AMOTL1: variants seen among roughly 807,000 people sequenced by gnomAD.
AMOTL1 encodes angiomotin like 1, also known as angiomotin-like protein 1.
In AMOTL1, 45 loss-of-function variants were observed where a neutral mutation model predicts 102.9. The observed-to-expected ratio is 0.44, with a 90% confidence interval of 0.34 to 0.56. The LOEUF (loss-of-function observed/expected upper bound fraction) is 0.56. Ranked by LOEUF, AMOTL1 falls within the 20% of genes least tolerant of loss-of-function variation. The pLI, the probability that AMOTL1 is intolerant of heterozygous loss-of-function variation, is 0.01. For synonymous variants in AMOTL1, 481 were observed against 484.7 expected (o/e 0.99, Z 0.10); for missense variants, 1,114 against 1,225.6 (o/e 0.91, Z 1.36).
rs536197963 is a variant in AMOTL1 at position 94,867,638 on chromosome 11, G to C, written c.2488+1470G>C. 1.5e-3 allele frequency among the ~76,000 whole-genome samples: 234 copies of C among 152,328 alleles called. 2 individuals carry two copies. Among genetic ancestry groups the C allele is most frequent in the African/African-American group, 5.5e-3 (227 of 41,564 alleles). On this transcript the variant is annotated intron_variant, in intron 11 of 12. Transcript: ENST00000433060. Reference sequence around the variant, plus strand: ...CTCCAAGGGGCTGAGGCAGGTTCATGGGTGACTGCACAGTTCCCCACATGT... The same window carrying C: ...CTCCAAGGGGCTGAGGCAGGTTCATCGGTGACTGCACAGTTCCCCACATGT...
intron 1 of AMOTL1, among the ~76,000 whole-genome samples, chr11:94,781,843 A>G (rs549429110): frequency 6.9e-6 from 1 of 144,332 alleles, no homozygotes; most frequent in African/African-American, 2.6e-5. Context: ...CAAAAAGAAG[A>G]AAAAAAAAAA....
intron 3 of AMOTL1, among the ~76,000 whole-genome samples, chr11:94,812,123 A>G (rs1254917049): frequency 6.6e-6 from 1 of 152,242 alleles, no homozygotes; most frequent in Non-Finnish European, 1.5e-5. Context: ...TCCGAGCCTT[A>G]AAGGTATCTT....
upstream of AMOTL1, among the ~76,000 whole-genome samples, chr11:94,766,808 A>G (rs1049218422): frequency 1.3e-5 from 2 of 152,224 alleles, no homozygotes; most frequent in African/African-American, 4.8e-5. Context: ...GAGCTTCTTC[A>G]TCCGGCAAGT....
At chr11:94,712,252 A>G (rs1350654286) in intron 1 of AMOTL1, among the ~76,000 whole-genome samples, 4 of 151,980 alleles carry the variant, frequency 2.6e-5, no homozygotes, top group Non-Finnish European at 5.9e-5. Flanking sequence ...TAAAATGTCT[A>G]TTTATGCCTT....
intron 6 of AMOTL1, among the ~76,000 whole-genome samples, chr11:94,845,917 G>T (rs1473401719): frequency 6.6e-6 from 1 of 152,140 alleles, no homozygotes. Flanking sequence ...GGAATTCTCA[G>T]TATATATATT....
chr11:94,711,027 G>A (rs554272207), intron 1 of AMOTL1, among the ~76,000 whole-genome samples: 129 of 152,238 alleles, frequency 8.5e-4, no homozygotes, highest in Non-Finnish European at 1.6e-3. Flanking sequence ...AACATTTTAG[G>A]TTTACCAGTA....
chr11:94,837,592 A>G (rs1014567878), intron 6 of AMOTL1, among the ~76,000 whole-genome samples: 72 of 152,338 alleles, frequency 4.7e-4, no homozygotes, highest in African/African-American at 1.7e-3. Flanking sequence ...CATGACAACC[A>G]GAAGTGCGCA....
intron 6 of AMOTL1, among the ~76,000 whole-genome samples, chr11:94,839,199 T>G (rs1259690758): frequency 6.6e-6 from 1 of 152,194 alleles, no homozygotes; most frequent in South Asian, 2.1e-4. Context: ...GCAGGTTTGC[T>G]CCCCAGTTTC....
chr11:94,791,587 A>T (rs1337225966), intron 1 of AMOTL1, among the ~76,000 whole-genome samples: 2 of 152,214 alleles, frequency 1.3e-5, no homozygotes, highest in African/African-American at 2.4e-5. Flanking sequence ...GAACAACTGT[A>T]AAGCCAGGGG....
At chr11:94,857,348 C>T (rs1490114927) in intron 8 of AMOTL1, among the ~76,000 whole-genome samples, 1 of 152,206 alleles carries the variant, frequency 6.6e-6, no homozygotes, top group Non-Finnish European at 1.5e-5. Context: ...AAATTCCACC[C>T]TTATCCCGGA....
intron 3 of AMOTL1, among the ~76,000 whole-genome samples, chr11:94,747,137 G>GT (rs796958101): frequency 3.4e-4 from 52 of 152,092 alleles, no homozygotes; most frequent in African/African-American, 1.2e-3. Flanking sequence ...TTAAACTTTA[G>GT]TTTTTTAGTA....
At chr11:94,738,097 C>A (rs1950460800) in intron 2 of AMOTL1, among the ~76,000 whole-genome samples, 3 of 152,130 alleles carry the variant, frequency 2.0e-5, no homozygotes, top group African/African-American at 7.2e-5. Context: ...GGGATCTGAT[C>A]CATACAGGAG....
Position 94,865,323 on chromosome 11 carries a change from A to C in AMOTL1, c.2261+463A>C, listed in dbSNP as rs180850227. On this transcript the variant is annotated intron_variant, in intron 10 of 12. Coordinates refer to ENST00000433060, the MANE Select transcript of AMOTL1 (RefSeq NM_130847.3). ...AAATTTCCAGCAGACTTTTTGACAT[A>C]ATAAAACTAGCCTGTCCCCCTTCAC... 1.8e-3 allele frequency among the ~76,000 whole-genome samples: 269 copies of C among 152,258 alleles called. 7 individuals are homozygous for C. The highest frequency in any genetic ancestry group is 0.014 in the Middle Eastern group (4 of 294).
intron 4 of AMOTL1, among the ~76,000 whole-genome samples, chr11:94,827,592 G>A (rs990631955): frequency 3.9e-5 from 6 of 152,182 alleles, no homozygotes; most frequent in South Asian, 2.1e-4. Flanking sequence ...CATTACCAGC[G>A]GTTCATGATA....
chr11:94,849,168 T>G (rs1952480594), intron 6 of AMOTL1, among the ~76,000 whole-genome samples: 1 of 152,198 alleles, frequency 6.6e-6, no homozygotes, highest in Non-Finnish European at 1.5e-5. Flanking sequence ...AGGAGACTTT[T>G]TTTCATGTCA....
At chr11:94,844,271 T>G (rs1364544162) in intron 6 of AMOTL1, among the ~76,000 whole-genome samples, 16 of 152,216 alleles carry the variant, frequency 1.1e-4, no homozygotes, top group Non-Finnish European at 2.4e-4. Flanking sequence ...ATTTGGAATT[T>G]GGAGCTTGAA....
At chr11:94,769,454 G>A (rs527699319) in intron 1 of AMOTL1, among the ~76,000 whole-genome samples, 1 of 152,172 alleles carries the variant, frequency 6.6e-6, no homozygotes, top group Non-Finnish European at 1.5e-5. Flanking sequence ...CTGCGCTCGC[G>A]GCGACGTGTC....
chr11:94,755,514 A>G (rs1214535739), intron 3 of AMOTL1, among the ~76,000 whole-genome samples: 4 of 152,200 alleles, frequency 2.6e-5, no homozygotes, highest in African/African-American at 9.7e-5. Context: ...GATCATTATT[A>G]TAACGATTTC....
At chr11:94,726,294 TCTC>T (rs1950256593) in intron 1 of AMOTL1, among the ~76,000 whole-genome samples, 1 of 152,140 alleles carries the variant, frequency 6.6e-6, no homozygotes, top group African/African-American at 2.4e-5. Context: ...TGTACACAAA[TCTC>T]CTTTGAGAGC....
Sources: gnomAD v4.1 joint callset for allele counts (sites outside exome capture counted in the v4.1 genomes callset) on GRCh38, gnomAD v4.1.1 for gene constraint, MANE v1.5 for transcripts, NCBI Gene and HGNC (gene_info 2026-07-23, HGNC 2026-07-21) for gene names.